Variants in ZNF75A observed in about 807,000 individuals in gnomAD.
The protein encoded by ZNF75A is zinc finger protein 75A.
ZNF75A carries 36 observed loss-of-function variants against 46.3 expected under a neutral mutation model. That is an observed-to-expected ratio of 0.78 (90% CI 0.60 to 1.03). ZNF75A has a LOEUF of 1.03. Among genes scored for constraint, ZNF75A ranks in the 50% least tolerant of loss-of-function variants. The pLI, the probability that ZNF75A is intolerant of heterozygous loss-of-function variation, is 0.00. For synonymous variants in ZNF75A, 234 were observed against 189.9 expected (o/e 1.23, Z -1.91); for missense variants, 595 against 551.3 (o/e 1.08, Z -0.79).
rs1417647996 is a variant in ZNF75A at position 3,311,836 on chromosome 16, G to A, written c.492G>A (p.Glu164=). ...CAAGTTTCGGGCTGAAGCCAACAGA[G>A]TCCCAACCAGTGGGCGTATCCCAAG... is the stretch of plus-strand genomic sequence containing the variant. The part of the protein sequence containing the change: ...EASSFGLKPT[E]SQPVGVSQDE... The change falls in exon 3 of 7, where the codon GAG becomes GAA. Residue 164 remains glutamate (E), a synonymous_variant. Coordinates refer to ENST00000669516, the MANE Select transcript of ZNF75A (RefSeq NM_001302109.2). The A allele has an allele frequency of 1.3e-5, 14 of 1,045,732 alleles. No homozygotes were observed. The highest frequency in any genetic ancestry group is 1.7e-5 in the African/African-American group (1 of 58,980). The allele number at this position is 1,045,732 out of a possible 1,614,324, so 64.8% of individuals were successfully genotyped here. A position where few individuals can be genotyped will look rare whatever the true frequency, so the allele number is the denominator to read the frequency against.
At chr16:3,310,657 TA>T in intron 2 of ZNF75A, 3 of 984,626 alleles carry the variant, frequency 3.0e-6, no homozygotes, top group Non-Finnish European at 3.6e-6. Context: ...AAAAAACAAC[TA>T]GGGGAAGACT....
In ZNF75A at chr16:3,313,118, C is replaced by CA; in HGVS notation, c.767dup (p.Lys257GlufsTer6). ...AGAATGGGAGTTATTGGATCCCACT[C>CA]AGAAGGCCCTCTACAATGATGTAAT... On this transcript the variant is annotated frameshift_variant, in exon 5 of 7. Coordinates refer to ENST00000669516, the MANE Select transcript of ZNF75A (RefSeq NM_001302109.2). LOFTEE classifies it high-confidence loss of function. 6.2e-7 allele frequency: 1 copy of CA among 1,614,010 alleles called. No individual in the cohort carries two copies. Among genetic ancestry groups the CA allele is most frequent in the Non-Finnish European group, 8.5e-7 (1 of 1,179,902 alleles).
chr16:3,308,559 C>G lies in ZNF75A; in HGVS notation c.131C>G (p.Pro44Arg). ...KKSPQMDCLD[P>R]KSSCWHFRNF... ...TCTCCTCAAATGGACTGTCTCGATCCTAAGAGCTCTTGCTGGCACTTCCGG... is the reference window on the plus strand; with the variant it reads ...TCTCCTCAAATGGACTGTCTCGATCGTAAGAGCTCTTGCTGGCACTTCCGG... The change falls in exon 2 of 7, where the codon CCT becomes CGT. Residue 44 changes from proline (P) to arginine (R), a missense_variant. By Grantham distance (103) the Pro-to-Arg change is moderately radical. Transcript: ENST00000669516. 3 of 985,938 alleles carry G rather than the reference C, an allele frequency of 3.0e-6. No homozygotes were observed. The highest frequency in any genetic ancestry group is 3.6e-6 in the Non-Finnish European group (3 of 829,978). The allele number at this position is 985,938 out of a possible 1,614,324, so 61.1% of individuals were successfully genotyped here.
Position 3,318,308 on chromosome 16 carries a change from A to T in ZNF75A, c.*439A>T. 1 of 990,172 alleles carries T rather than the reference A, an allele frequency of 1.0e-6. No homozygotes were observed. The highest frequency in any genetic ancestry group is 1.2e-6 in the Non-Finnish European group (1 of 833,074). 61.3% of individuals were successfully genotyped at this position (990,172 alleles called of 1,614,324 possible). The stretch of plus-strand genomic sequence containing the variant: ...CATTGGACACGGTTTGCAAAGTTGG[A>T]CATCACTTGAGTTCCTTCTTAAACT... On this transcript the variant is annotated 3_prime_UTR_variant, in exon 7 of 7. Transcript: ENST00000669516.
At chr16:3,321,740 A>G (rs570136416), downstream of ZNF75A, among the ~76,000 whole-genome samples, 1 of 152,316 alleles carries the variant, frequency 6.6e-6, no homozygotes, top group East Asian at 1.9e-4. Flanking sequence ...AAGTACTGAG[A>G]TTACAGGCAT....
At chr16:3,307,269 C>G (rs1960354006) in intron 1 of ZNF75A, 2 of 152,070 alleles carry the variant, frequency 1.3e-5, no homozygotes. Context: ...ATAACTCTTA[C>G]TACAGTGTTT....
intron 5 of ZNF75A, among the ~76,000 whole-genome samples, chr16:3,314,383 C>G (rs1395002589): frequency 1.3e-5 from 2 of 152,224 alleles, no homozygotes; most frequent in Non-Finnish European, 2.9e-5. Context: ...CTGAGCTCCT[C>G]TTGCCTCAGT....
At chr16:3,311,613 G>A (rs75560133) in intron 2 of ZNF75A, 140 bp from the exon 3 acceptor site, 3,763 of 208,244 alleles carry the variant, frequency 0.018, 155 homozygotes, top group African/African-American at 0.083. Context: ...TGGTGGCCCA[G>A]TATCTCTTTA....
chr16:3,310,998 A>G (rs78832674), intron 2 of ZNF75A: 14,244 of 963,154 alleles, frequency 0.015, 117 homozygotes, highest in Non-Finnish European at 0.017. Context: ...ATTCTCTGAA[A>G]ACCTTCGCTG....
chr16:3,314,959 G>A, intron 5 of ZNF75A: 3 of 985,320 alleles, frequency 3.0e-6, no homozygotes, highest in Non-Finnish European at 3.6e-6. Flanking sequence ...GGGTCTCAGT[G>A]TTCCAGGAGC....
At position 3,311,813 on chromosome 16, in the gene ZNF75A, A is replaced by G; in HGVS notation, c.469A>G (p.Ser157Gly). ...VLLGETAEAS[S>G]FGLKPTESQP... is the part of the protein sequence containing the mutation. ...CTTGGGAGAAACAGCAGAGGCCTCA[A>G]GTTTCGGGCTGAAGCCAACAGAGTC... is the stretch of plus-strand genomic sequence containing the variant. The change falls in exon 3 of 7, where the codon AGT (serine) becomes GGT (glycine). Residue 157 changes from serine (S) to glycine (G), a missense_variant. By Grantham distance (56) the Ser-to-Gly change is moderately conservative. Transcript: ENST00000669516. 1.3e-5 allele frequency: 14 copies of G among 1,049,562 alleles called. No homozygotes were observed. Among genetic ancestry groups the G allele is most frequent in the Non-Finnish European group, 1.6e-5 (14 of 862,720 alleles). 65.0% of individuals were successfully genotyped at this position (1,049,562 alleles called of 1,614,324 possible).
chr16:3,313,258 C>A, intron 5 of ZNF75A, 83 bp downstream of exon 5: 2 of 1,428,804 alleles, frequency 1.4e-6, no homozygotes, highest in South Asian at 1.3e-5. Context: ...GGGTGTCTTA[C>A]TGTTCCAGGA....
In ZNF75A at chr16:3,312,767, A is replaced by C; in HGVS notation, c.695A>C (p.Gln232Pro). ...VTPEHVLPES[Q>P]SLLTFEEVAM... is the part of the protein sequence containing the mutation. ...CCTGAGCACGTCTTGCCTGAGTCCC[A>C]GGTGAGCTGTGCTTTCCAGCTGTTG... The change falls in exon 4 of 7, where the codon CAG becomes CCG. Residue 232 changes from glutamine to proline, a missense_variant and splice_region_variant. Coordinates refer to ENST00000669516, the MANE Select transcript of ZNF75A (RefSeq NM_001302109.2). The C allele has an allele frequency of 1.8e-6, 2 of 1,102,318 alleles. No homozygotes were observed. Among genetic ancestry groups the C allele is most frequent in the East Asian group, 1.2e-4 (2 of 16,906 alleles). 68.3% of individuals were successfully genotyped at this position (1,102,318 alleles called of 1,614,324 possible).
Position 3,311,763 on chromosome 16 carries a change from A to C in ZNF75A, c.419A>C (p.His140Pro). 9.5e-7 allele frequency: 1 copy of C among 1,050,396 alleles called. No individual in the cohort carries two copies. Among genetic ancestry groups the C allele is most frequent in the Non-Finnish European group, 1.2e-6 (1 of 862,976 alleles). 65.1% of individuals were successfully genotyped at this position (1,050,396 alleles called of 1,614,324 possible). ...SGQTWNGVAV[H>P]ELGKEAVLLG... is the part of the protein sequence containing the mutation. ...GGGAATTATTTCTAGGTTGCAGTCC[A>C]TGAGCTGGGAAAGGAGGCAGTGCTC... The change falls in exon 3 of 7, where the codon CAT becomes CCT. Residue 140 changes from histidine (H) to proline (P), a missense_variant. By Grantham distance (77) the His-to-Pro change is moderately conservative (BLOSUM62 -2). Coordinates refer to ENST00000669516, the MANE Select transcript of ZNF75A (RefSeq NM_001302109.2).
chr16:3,310,869 GC>G, intron 2 of ZNF75A: 1 of 985,444 alleles, frequency 1.0e-6, no homozygotes, highest in Non-Finnish European at 1.2e-6. Flanking sequence ...TTGGTGGGTG[GC>G]GACACATCTG....
Position 3,318,684 on chromosome 16 carries a change from G to A in ZNF75A, c.*815G>A, listed in dbSNP as rs1961405020. The A allele has an allele frequency of 3.0e-6, 3 of 985,384 alleles. No homozygotes were observed. The highest frequency in any genetic ancestry group is 3.6e-6 in the Non-Finnish European group (3 of 829,922). The allele number at this position is 985,384 out of a possible 1,614,324, so 61.0% of individuals were successfully genotyped here. On this transcript the variant is annotated 3_prime_UTR_variant, in exon 7 of 7. Coordinates refer to ENST00000669516, the MANE Select transcript of ZNF75A (RefSeq NM_001302109.2). The stretch of plus-strand genomic sequence containing the variant: ...TAAGATCAACTTCTCAGTTTTGTTT[G>A]TTTACTTTTTAATTGGCTTTTCTTT...
intron 5 of ZNF75A, among the ~76,000 whole-genome samples, chr16:3,313,672 A>C (rs1445300740): frequency 6.6e-6 from 1 of 152,216 alleles, no homozygotes; most frequent in East Asian, 1.9e-4. Context: ...GTGCGCCTGC[A>C]TCTCCTTGTG....
chr16:3,317,100 C>G (rs1349449867), intron 6 of ZNF75A, 78 bp downstream of exon 6: 1 of 1,530,554 alleles, frequency 6.5e-7, no homozygotes, highest in Non-Finnish European at 8.8e-7. Context: ...AGATTTTGTT[C>G]CTTTTTTTTT....
chr16:3,309,805 C>T (rs1481427942), intron 2 of ZNF75A, among the ~76,000 whole-genome samples: 1 of 149,780 alleles, frequency 6.7e-6, no homozygotes, highest in East Asian at 2.0e-4. Context: ...AACAAGGACA[C>T]TTAAAGAAAA....
Sources: gnomAD v4.1 joint callset for allele counts (sites outside exome capture counted in the v4.1 genomes callset) on GRCh38, gnomAD v4.1.1 for gene constraint, MANE v1.5 for transcripts, NCBI Gene and HGNC (gene_info 2026-07-23, HGNC 2026-07-21) for gene names.